The following FAM107B variants were observed in gnomAD, a reference collection of about 807,000 sequenced individuals.
The protein encoded by FAM107B is family with sequence similarity 107 member B.
In FAM107B, 21 loss-of-function variants were observed where a neutral mutation model predicts 31.5. The ratio of observed to expected loss-of-function variants is 0.67; its 90% confidence interval spans 0.47 to 0.96. The LOEUF (loss-of-function observed/expected upper bound fraction) is 0.96. FAM107B is among the 40% of genes least tolerant of loss of function. The pLI, the probability that FAM107B is intolerant of heterozygous loss-of-function variation, is 0.00. For missense variants in FAM107B, 452 were observed against 377.1 expected (o/e 1.20, Z -1.64); for synonymous variants, 157 against 141.5 (o/e 1.11, Z -0.78).
chr10:14,557,658 G>GTGCTTACTGCATCCCAGGCAC (rs893186964), intron 2 of FAM107B, among the ~76,000 whole-genome samples: 2 of 152,210 alleles, frequency 1.3e-5, no homozygotes, highest in African/African-American at 4.8e-5. Flanking sequence ...AACATTCGAA[G>GTGCTTACTGCATCCCAGGCAC]TGCTTACTGC....
intron 2 of FAM107B, among the ~76,000 whole-genome samples, chr10:14,544,880 C>G (rs1314321874): frequency 6.6e-6 from 1 of 152,128 alleles, no homozygotes; most frequent in Non-Finnish European, 1.5e-5. Flanking sequence ...AAACAGTATG[C>G]CCTTTACTTT....
rs1302258493 is a variant in FAM107B, at chr10:14,607,779, GA to G, written c.469+59854del. On this transcript the variant is annotated intron_variant, in intron 2 of 4. Coordinates refer to ENST00000181796, the MANE Select transcript of FAM107B (RefSeq NM_031453.4). ...CTGATTTGCTTTCAATACAAATACT[GA>G]TTTCCCTTACATTACAAAGGGAACA... Among the ~76,000 whole-genome samples the G allele has an allele frequency of 2.6e-5, 4 of 152,286 alleles. No homozygotes were observed. In the East Asian group the frequency reaches 7.7e-4, roughly 29 times the overall value.
At chr10:14,544,118 C>T (rs1420561553) in intron 2 of FAM107B, among the ~76,000 whole-genome samples, 1 of 152,130 alleles carries the variant, frequency 6.6e-6, no homozygotes, top group African/African-American at 2.4e-5. Context: ...GAGGCCCACA[C>T]GGGAAGGCAG....
chr10:14,567,052 C>A (rs1355716894), intron 2 of FAM107B, among the ~76,000 whole-genome samples: 1 of 152,156 alleles, frequency 6.6e-6, no homozygotes, highest in Non-Finnish European at 1.5e-5. Flanking sequence ...ACTTTGGAGG[C>A]TGAGGCAGGA....
At chr10:14,587,029 T>G (rs1851866652) in intron 2 of FAM107B, among the ~76,000 whole-genome samples, 1 of 152,194 alleles carries the variant, frequency 6.6e-6, no homozygotes, top group East Asian at 1.9e-4. Flanking sequence ...CAATCACGTA[T>G]GACATCACAT....
At chr10:14,564,506 T>TA (rs767006571) in intron 2 of FAM107B, among the ~76,000 whole-genome samples, 265 of 138,330 alleles carry the variant, frequency 1.9e-3, no homozygotes, top group Middle Eastern at 7.3e-3. Flanking sequence ...CTTATTTGTT[T>TA]AAAAAAAAAA....
chr10:14,672,969 G>T (rs1173308029), intron 1 of FAM107B, among the ~76,000 whole-genome samples: 1 of 152,124 alleles, frequency 6.6e-6, no homozygotes, highest in Admixed American at 6.5e-5. Flanking sequence ...TAGAATTCCT[G>T]ACCAATAATT....
chr10:14,669,997 T>C (rs1854503382), intron 1 of FAM107B, among the ~76,000 whole-genome samples: 1 of 152,176 alleles, frequency 6.6e-6, no homozygotes, highest in Non-Finnish European at 1.5e-5. Flanking sequence ...CTTGACTTGA[T>C]CATCACACAT....
At chr10:14,552,449 C>T (rs185717978) in intron 2 of FAM107B, among the ~76,000 whole-genome samples, 1 of 146,138 alleles carries the variant, frequency 6.8e-6, no homozygotes, top group East Asian at 2.0e-4. Context: ...CAGTGATCCA[C>T]TACCCACACA....
At chr10:14,630,655 CCCCTCTAAAATAAAAATA>C (rs931908599) in intron 2 of FAM107B, among the ~76,000 whole-genome samples, 4 of 151,810 alleles carry the variant, frequency 2.6e-5, no homozygotes, top group African/African-American at 4.8e-5. Flanking sequence ...AATAAAAATA[CCCCTCTAAAATAAAAATA>C]CCCTCTAAAA....
chr10:14,685,253 A>G (rs1407375642), intron 1 of FAM107B, among the ~76,000 whole-genome samples: 1 of 149,942 alleles, frequency 6.7e-6, no homozygotes, highest in Non-Finnish European at 1.5e-5. Context: ...GGCTCAAGCC[A>G]TCCTCCCACC....
At chr10:14,627,205 A>G (rs1853187955) in intron 2 of FAM107B, among the ~76,000 whole-genome samples, 1 of 152,192 alleles carries the variant, frequency 6.6e-6, no homozygotes, top group Non-Finnish European at 1.5e-5. Flanking sequence ...TAAAAAGGAA[A>G]ATTTCCTAAA....
chr10:14,620,302 C>T (rs1424919317), intron 2 of FAM107B, among the ~76,000 whole-genome samples: 4 of 152,126 alleles, frequency 2.6e-5, no homozygotes, highest in Admixed American at 1.3e-4. Context: ...CAGGCATGAG[C>T]CACCGCGCTT....
chr10:14,746,789 A>G (rs1832734641), intron 1 of FAM107B, among the ~76,000 whole-genome samples: 1 of 152,058 alleles, frequency 6.6e-6, no homozygotes, highest in South Asian at 2.1e-4. Context: ...TGATCTTCTC[A>G]TGGAGTATCT....
Position 14,520,080 on chromosome 10 carries a change from A to G in FAM107B, c.*1110T>C, listed in dbSNP as rs959515442. The G allele has an allele frequency of 2.0e-5, 3 of 152,662 alleles. No homozygotes were observed. The highest frequency in any genetic ancestry group is 4.4e-5 in the Non-Finnish European group (3 of 68,050). 9.5% of individuals were successfully genotyped at this position (152,662 alleles called of 1,614,324 possible). ...AGCATCATCACTCAGACAGTGGTGAAAGTCTTTCTTCACAAGGAAAAACAA... is the reference window on the plus strand; with the variant it reads ...AGCATCATCACTCAGACAGTGGTGAGAGTCTTTCTTCACAAGGAAAAACAA... On this transcript the variant is annotated 3_prime_UTR_variant, in exon 5 of 5. Coordinates refer to ENST00000181796, the MANE Select transcript of FAM107B (RefSeq NM_031453.4).
At chr10:14,743,732 T>C (rs1465003987) in intron 1 of FAM107B, among the ~76,000 whole-genome samples, 1 of 152,240 alleles carries the variant, frequency 6.6e-6, no homozygotes, top group East Asian at 1.9e-4. Flanking sequence ...TTTGTACCAG[T>C]ACCATGATGT....
chr10:14,623,987 C>A (rs1168178485), intron 2 of FAM107B, among the ~76,000 whole-genome samples: 2 of 152,158 alleles, frequency 1.3e-5, no homozygotes, highest in Non-Finnish European at 2.9e-5. Context: ...AATGAACATG[C>A]CAACATTTGT....
intron 2 of FAM107B, among the ~76,000 whole-genome samples, chr10:14,657,198 A>G (rs534219623): frequency 6.6e-6 from 1 of 152,302 alleles, no homozygotes; most frequent in African/African-American, 2.4e-5. Context: ...ATCTGGAAGC[A>G]ATTTGCTCTC....
At chr10:14,767,024 G>GTGTATATATA (rs1219301209) in intron 1 of FAM107B, among the ~76,000 whole-genome samples, 1 of 16,234 alleles carries the variant, frequency 6.2e-5, no homozygotes, top group Non-Finnish European at 2.3e-4. Flanking sequence ...TGATGTGTAT[G>GTGTATATATA]TATATATATA....
Sources: allele counts gnomAD v4.1 joint callset (sites outside exome capture counted in the v4.1 genomes callset), GRCh38; gene constraint gnomAD v4.1.1; transcripts MANE v1.5; gene names NCBI Gene and HGNC (gene_info 2026-07-23, HGNC 2026-07-21).